The following GET4 variants were observed in gnomAD, a reference collection of about 807,000 sequenced individuals.
The protein encoded by GET4 is guided entry of tail-anchored proteins factor 4.
GET4 carries 20 observed loss-of-function variants against 40.0 expected under a neutral mutation model. The ratio of observed to expected loss-of-function variants is 0.50; its 90% CI spans 0.35 to 0.73. GET4 has a LOEUF of 0.73. GET4 is among the 30% of genes least tolerant of loss of function. The probability of loss-of-function intolerance (pLI) is 0.01; values close to 1 mark genes in which losing one functional copy is unlikely to be tolerated. For missense variants in GET4, 557 were observed against 454.0 expected, an observed-to-expected ratio of 1.23 and a Z score of -2.06; for synonymous variants, 280 against 194.6, an observed-to-expected ratio of 1.44 and a Z score of -3.65.
chr7:889,699 CGGGCCTGGG>C (rs1844273853), intron 4 of GET4, among the ~76,000 whole-genome samples: 1 of 128,636 alleles, frequency 7.8e-6, no homozygotes, highest in Non-Finnish European at 1.7e-5. Flanking sequence ...GGTGTTAGGA[CGGGCCTGGG>C]AGCGGAGGGA....
At chr7:893,449 G>A (rs1359280331) in intron 6 of GET4, among the ~76,000 whole-genome samples, 3 of 141,442 alleles carry the variant, frequency 2.1e-5, no homozygotes, top group Non-Finnish European at 3.0e-5. Flanking sequence ...ATGGTTGCAG[G>A]TGAGTGTTGG....
chr7:892,616 A>T, intron 6 of GET4, 198 bp downstream of exon 6: 1 of 493,796 alleles, frequency 2.0e-6, no homozygotes, highest in Non-Finnish European at 3.6e-6. Flanking sequence ...TAGACATGGT[A>T]GTGCGGGTAG....
At chr7:894,367 C>T (rs565676427) in intron 8 of GET4, among the ~76,000 whole-genome samples, 12 of 152,246 alleles carry the variant, frequency 7.9e-5, no homozygotes, top group South Asian at 2.1e-4. Flanking sequence ...CGCGGCGGGG[C>T]GGGTGTCTCA....
At chr7:889,402 C>T (rs562683582) in intron 4 of GET4, among the ~76,000 whole-genome samples, 5 of 152,366 alleles carry the variant, frequency 3.3e-5, no homozygotes, top group South Asian at 4.1e-4. Flanking sequence ...CTGGTGCTTC[C>T]CTCCTGGGGA....
At chr7:889,386 G>A (rs912462269) in intron 4 of GET4, among the ~76,000 whole-genome samples, 7 of 152,252 alleles carry the variant, frequency 4.6e-5, no homozygotes, top group Admixed American at 6.5e-5. Flanking sequence ...TGGGCTATGT[G>A]CTTCCCTGGT....
In GET4 at chr7:895,772, C is replaced by T. The variant is rs1307993038; in HGVS notation, c.*350C>T. 4.6e-5 allele frequency: 8 copies of T among 172,408 alleles called. No homozygotes were observed. Among genetic ancestry groups the T allele is most frequent in the Admixed American group, 6.3e-5 (1 of 15,788 alleles). The allele number at this position is 172,408 out of a possible 1,614,324, so 10.7% of individuals were successfully genotyped here. Reference sequence around the variant, plus strand: ...CAGGAGGCCCGTCCTCGGGGGGCTGCGCACATCACGCTCCTTGCCGGGCGT... The same window carrying T: ...CAGGAGGCCCGTCCTCGGGGGGCTGTGCACATCACGCTCCTTGCCGGGCGT... On this transcript the variant is annotated 3_prime_UTR_variant, in exon 9 of 9. Transcript: ENST00000265857.
At chr7:877,264 C>T (rs961611880) in intron 1 of GET4, among the ~76,000 whole-genome samples, 1 of 150,166 alleles carries the variant, frequency 6.7e-6, no homozygotes, top group African/African-American at 2.5e-5. Context: ...CCCGGCCTCT[C>T]CCGGCCCCTC....
At chr7:887,592 C>A (rs1844217449) in intron 4 of GET4, 73 bp downstream of exon 4, 1 of 1,181,282 alleles carries the variant, frequency 8.5e-7, no homozygotes, top group Non-Finnish European at 1.1e-6. Context: ...CGTTCCAATA[C>A]ATCAGGGTCA....
At chr7:877,622 C>A (rs1362461931) in intron 1 of GET4, among the ~76,000 whole-genome samples, 1 of 140,396 alleles carries the variant, frequency 7.1e-6, no homozygotes, top group African/African-American at 2.7e-5. Flanking sequence ...CCCACCTCTC[C>A]CGTAGTCTCC....
At chr7:878,144 G>A (rs1331268038) in intron 1 of GET4, 6 of 398,924 alleles carry the variant, frequency 1.5e-5, no homozygotes, top group Non-Finnish European at 2.6e-5. Flanking sequence ...ACACCTGCAC[G>A]GCCGGTGTAG....
Position 886,119 on chromosome 7 carries a change from C to T in GET4, c.219C>T (p.Phe73=), listed in dbSNP as rs200321114. The change falls in exon 2 of 9, where the codon TTC becomes TTT. Residue 73 remains phenylalanine (F), a synonymous_variant. Coordinates refer to ENST00000265857, the MANE Select transcript of GET4 (RefSeq NM_015949.3). ...TCATGTACTCGGGAGCCCTGCTCTT[C>T]TTCAGCCATGGCCAGGTAAGCCGTC... ...RELMYSGALL[F]FSHGQQNSAA... The T allele has an allele frequency of 1.7e-5, 27 of 1,606,880 alleles. No homozygotes were observed. In the Admixed American group the frequency reaches 1.8e-4, roughly 11 times the overall value.
At chr7:879,637 A>G (rs183939802) in intron 1 of GET4, among the ~76,000 whole-genome samples, 1 of 152,336 alleles carries the variant, frequency 6.6e-6, no homozygotes, top group Admixed American at 6.5e-5. Context: ...AATACACACC[A>G]GCCAGGCTAC....
At chr7:877,227 T>G (rs1362006592) in intron 1 of GET4, among the ~76,000 whole-genome samples, 1 of 126,636 alleles carries the variant, frequency 7.9e-6, no homozygotes, top group South Asian at 2.8e-4. Flanking sequence ...CTCTCTGGCC[T>G]TCTCCTTCTT....
intron 1 of GET4, chr7:884,245 C>T: frequency 7.7e-7 from 1 of 1,304,146 alleles, no homozygotes; most frequent in South Asian, 1.2e-5. Context: ...ATCGTGAGGC[C>T]AGGCGTGTCT....
chr7:889,572 G>A lies in GET4; in HGVS notation c.467-1356G>A, dbSNP rs548792029. Among the ~76,000 whole-genome samples, 320 of 152,154 alleles carry A rather than the reference G, an allele frequency of 2.1e-3. 2 individuals are homozygous for A. Among genetic ancestry groups the A allele is most frequent in the Non-Finnish European group, 3.8e-3 (260 of 67,986 alleles). On this transcript the variant is annotated intron_variant, in intron 4 of 8. Coordinates refer to ENST00000265857, the MANE Select transcript of GET4 (RefSeq NM_015949.3). ...AAGGGCCCACTAGGTGGGAGAGGCAGGCGCCTGGTGAGTGCTGAGATCTGC... is the reference window on the plus strand; with the variant it reads ...AAGGGCCCACTAGGTGGGAGAGGCAAGCGCCTGGTGAGTGCTGAGATCTGC...
chr7:884,451 G>C, intron 1 of GET4: 1 of 1,012,554 alleles, frequency 9.9e-7, no homozygotes, highest in South Asian at 1.5e-5. Context: ...CCGGAGGCCT[G>C]CCAACGGCCT....
At chr7:892,078 T>G (rs1021675054) in intron 5 of GET4, among the ~76,000 whole-genome samples, 200 bp from the exon 6 acceptor site, 1 of 152,244 alleles carries the variant, frequency 6.6e-6, no homozygotes, top group African/African-American at 2.4e-5. Flanking sequence ...CTTCATTCTC[T>G]TCACCTGTGA....
At chr7:893,212 GGTGA>G (rs1289980281) in intron 6 of GET4, among the ~76,000 whole-genome samples, 1 of 147,514 alleles carries the variant, frequency 6.8e-6, no homozygotes, top group Non-Finnish European at 1.5e-5. Context: ...GGTGTGTGCA[GGTGA>G]GTGTTGGGCG....
chr7:887,402 C>A lies in GET4; in HGVS notation c.349C>A (p.Pro117Thr). Residue 117 changes from proline to threonine, a missense_variant, in exon 4 of 9, where the codon CCC becomes ACC. Transcript: ENST00000265857. The stretch of plus-strand genomic sequence containing the variant: ...GGCTAAAGTGTTCAGCCTGATGGAC[C>A]CCAACTCTCCTGAGCGCGTGACCTT... ...NLAKVFSLMD[P>T]NSPERVTFVS... 1 of 1,598,260 alleles carries A rather than the reference C, an allele frequency of 6.3e-7. No individual in the cohort carries two copies. Among genetic ancestry groups the A allele is most frequent in the Non-Finnish European group, 8.5e-7 (1 of 1,170,248 alleles).
Sources: allele counts gnomAD v4.1 joint callset (sites outside exome capture counted in the v4.1 genomes callset), GRCh38; gene constraint gnomAD v4.1.1; transcripts MANE v1.5; gene names NCBI Gene and HGNC (gene_info 2026-07-23, HGNC 2026-07-21).